Variants in GTF2E1 observed in about 807,000 individuals in gnomAD.
GTF2E1 encodes TFIIE alpha subunit.
Under a neutral mutation model 34.9 loss-of-function variants are expected in GTF2E1, and 14 were observed. The observed-to-expected ratio is 0.40, with a 90% CI of 0.27 to 0.63. The LOEUF (loss-of-function observed/expected upper bound fraction) is 0.63, where lower values mean the gene tolerates loss of function less well. Among genes scored for constraint, GTF2E1 ranks in the 20% least tolerant of loss-of-function variants. The pLI is 0.39. For missense variants in GTF2E1, 469 were observed against 557.7 expected, an observed-to-expected ratio of 0.84 and a Z score of 1.60; for synonymous variants, 188 against 192.9, an observed-to-expected ratio of 0.97 and a Z score of 0.21.
chr3:120,765,112 C>G (rs1041190149), intron 2 of GTF2E1, among the ~76,000 whole-genome samples: 1 of 123,910 alleles, frequency 8.1e-6, no homozygotes, highest in Admixed American at 9.1e-5. Context: ...AGAACTCTTT[C>G]CCTTTCCCCT....
chr3:120,747,110 TG>T (rs1260550177), intron 1 of GTF2E1, among the ~76,000 whole-genome samples: 14 of 151,996 alleles, frequency 9.2e-5, no homozygotes, highest in Non-Finnish European at 1.6e-4. Flanking sequence ...TTTTTTGTTT[TG>T]TTTTTTTTTG....
intron 2 of GTF2E1, among the ~76,000 whole-genome samples, chr3:120,770,029 G>T (rs1709339496): frequency 6.6e-6 from 1 of 152,072 alleles, no homozygotes; most frequent in South Asian, 2.1e-4. Context: ...CATACATGGG[G>T]CCTTTTATAG....
rs1178662700 is a variant in GTF2E1 at position 120,782,780 on chromosome 3, T to C, written c.*1310T>C. Reference sequence around the variant, plus strand: ...TTTTGTCAGACACAGTATTTTAGGGTGCATCCAGTATACCATTGAGCATTG... The same window carrying C: ...TTTTGTCAGACACAGTATTTTAGGGCGCATCCAGTATACCATTGAGCATTG... On this transcript the variant is annotated 3_prime_UTR_variant, in exon 5 of 5. Coordinates refer to ENST00000283875, the MANE Select transcript of GTF2E1 (RefSeq NM_005513.3). 6.6e-6 allele frequency: 1 copy of C among 152,220 alleles called. No individual in the cohort carries two copies. The highest frequency in any genetic ancestry group is 1.5e-5 in the Non-Finnish European group (1 of 68,042). The allele number at this position is 152,220 out of a possible 1,614,324, so 9.4% of individuals were successfully genotyped here.
intron 2 of GTF2E1, among the ~76,000 whole-genome samples, chr3:120,756,983 C>G (rs1431342719): frequency 6.6e-6 from 1 of 151,924 alleles, no homozygotes; most frequent in Non-Finnish European, 1.5e-5. Flanking sequence ...TATTTTGATG[C>G]CAGTGACATA....
rs752331354 is a variant in GTF2E1 at position 120,750,975 on chromosome 3, T to C, written c.423T>C (p.Ala141=). 1.2e-6 allele frequency: 2 copies of C among 1,612,674 alleles called. No homozygotes were observed. Among genetic ancestry groups the C allele is most frequent in the Non-Finnish European group, 1.7e-6 (2 of 1,178,852 alleles). The change falls in exon 2 of 5, where the codon GCT becomes GCC. Residue 141 remains alanine (A), a synonymous_variant. Coordinates refer to ENST00000283875, the MANE Select transcript of GTF2E1 (RefSeq NM_005513.3). ...VCSSTFTDLE[A]NQLFDPMTGT... ...GTAGTACTTTCACAGACTTAGAAGC[T>C]AATCAGCTCTTTGATCCTATGACAG...
At position 120,773,893 on chromosome 3, in the gene GTF2E1, A is replaced by G. The variant is rs989137118; in HGVS notation, c.651-2530A>G. 2.0e-5 allele frequency among the ~76,000 whole-genome samples: 3 copies of G among 152,288 alleles called. No individual in the cohort carries two copies. The East Asian group carries it at 5.8e-4, about 29-fold the overall frequency. On this transcript the variant is annotated intron_variant, in intron 3 of 4. Transcript: ENST00000283875. Reference sequence around the variant, plus strand: ...TTTCTATGACAGAATACTAAAAACAAAAGACTTTTTAAAAGTACTCTTGTG... The same window carrying G: ...TTTCTATGACAGAATACTAAAAACAGAAGACTTTTTAAAAGTACTCTTGTG...
At position 120,776,543 on chromosome 3, in the gene GTF2E1, C is replaced by T. The variant is rs1283247188; in HGVS notation, c.771C>T (p.Asn257=). The change falls in exon 4 of 5, where the codon AAC becomes AAT. Residue 257 remains asparagine, a synonymous_variant. Coordinates refer to ENST00000283875, the MANE Select transcript of GTF2E1 (RefSeq NM_005513.3). ...TATACACTCAGAATGTTGTCATTAA[C>T]ATGGATGACCAAGAAGATCTTCATC... ...EDLYTQNVVI[N]MDDQEDLHRA... 1.2e-6 allele frequency: 2 copies of T among 1,613,882 alleles called. No homozygotes were observed. Among genetic ancestry groups the T allele is most frequent in the African/African-American group, 1.3e-5 (1 of 74,896 alleles).
At position 120,743,725 on chromosome 3, in the gene GTF2E1, G is replaced by A. The variant is rs932530102; in HGVS notation, c.-31+931G>A. Among the ~76,000 whole-genome samples, 3 of 152,138 alleles carry A rather than the reference G, an allele frequency of 2.0e-5. No individual in the cohort carries two copies. In the South Asian group the frequency reaches 6.2e-4, roughly 32 times the overall value. ...AGGGGGTTTGGGCTTAGCTGTAGGG[G>A]CAGAAGGAACAGCATGTGCAAAGCC... On this transcript the variant is annotated intron_variant, in intron 1 of 4. Transcript: ENST00000283875.
intron 2 of GTF2E1, among the ~76,000 whole-genome samples, chr3:120,759,200 A>G (rs190531418): frequency 7.9e-5 from 12 of 152,282 alleles, no homozygotes; most frequent in Admixed American, 5.2e-4. Flanking sequence ...TATGTCATCT[A>G]TGCTGCATAT....
At chr3:120,751,348 G>A (rs1486734217) in intron 2 of GTF2E1, among the ~76,000 whole-genome samples, 2 of 152,152 alleles carry the variant, frequency 1.3e-5, no homozygotes, top group African/African-American at 4.8e-5. Context: ...GCAATACAGT[G>A]TATTTAAATG....
intron 1 of GTF2E1, among the ~76,000 whole-genome samples, chr3:120,743,713 T>C (rs1039457767): frequency 6.6e-6 from 1 of 152,094 alleles, no homozygotes; most frequent in Non-Finnish European, 1.5e-5. Context: ...GGGTTTGGGC[T>C]TAGCTGTAGG....
At chr3:120,752,715 G>A (rs983764211) in intron 2 of GTF2E1, among the ~76,000 whole-genome samples, 3 of 152,166 alleles carry the variant, frequency 2.0e-5, no homozygotes, top group Non-Finnish European at 4.4e-5. Context: ...CAAGGAGTTA[G>A]GGTAGAGGGC....
rs1220108928 is a variant in GTF2E1 at position 120,770,837 on chromosome 3, C to T, written c.558C>T (p.Pro186=). 1.9e-6 allele frequency: 3 copies of T among 1,613,418 alleles called. No homozygotes were observed. The highest frequency in any genetic ancestry group is 1.7e-5 in the Admixed American group (1 of 59,982). Residue 186 remains proline (P), a synonymous_variant, in exon 3 of 5, where the codon CCC becomes CCT. Transcript: ENST00000283875. The part of the protein sequence containing the change: ...LLARFNEQIE[P]IYALLRETED... ...CAAGGTTTAATGAACAAATTGAGCC[C>T]ATTTATGCATTGCTTCGGGAGACAG... is the stretch of plus-strand genomic sequence containing the variant.
At chr3:120,748,146 AT>A (rs1709124586) in intron 1 of GTF2E1, among the ~76,000 whole-genome samples, 2 of 152,160 alleles carry the variant, frequency 1.3e-5, no homozygotes, top group Admixed American at 6.5e-5. Flanking sequence ...GATTCTGGTT[AT>A]TAGCCCTTTG....
chr3:120,777,425 G>A (rs1023493278), intron 4 of GTF2E1, among the ~76,000 whole-genome samples: 6 of 152,016 alleles, frequency 3.9e-5, no homozygotes, highest in Non-Finnish European at 4.4e-5. Context: ...TCAATGTGCC[G>A]CTACTCCCAA....
chr3:120,771,340 T>A (rs1364203647), intron 3 of GTF2E1, among the ~76,000 whole-genome samples: 2 of 152,150 alleles, frequency 1.3e-5, no homozygotes, highest in Non-Finnish European at 2.9e-5. Context: ...TTAATCACCT[T>A]TATTTCTTAG....
At chr3:120,750,418 A>G in intron 1 of GTF2E1, 105 bp from the exon 2 acceptor site, 1 of 679,220 alleles carries the variant, frequency 1.5e-6, no homozygotes, top group Non-Finnish European at 2.6e-6. Flanking sequence ...TAGGTATTAG[A>G]AATCTTTTTA....
chr3:120,774,614 A>G (rs982471314), intron 3 of GTF2E1, among the ~76,000 whole-genome samples: 3 of 145,302 alleles, frequency 2.1e-5, no homozygotes, highest in African/African-American at 7.8e-5. Flanking sequence ...CAATTGTAGC[A>G]TAAGACTTCA....
chr3:120,781,687 G>C lies in GTF2E1; in HGVS notation c.*217G>C. On this transcript the variant is annotated 3_prime_UTR_variant, in exon 5 of 5. Coordinates refer to ENST00000283875, the MANE Select transcript of GTF2E1 (RefSeq NM_005513.3). ...CCTACCCTTCCTTGCTGTCACTACA[G>C]TATTAATATTTTACTGTATTTTCTT... is the stretch of plus-strand genomic sequence containing the variant. 2.1e-6 allele frequency: 1 copy of C among 475,874 alleles called. No homozygotes were observed. The highest frequency in any genetic ancestry group is 3.7e-6 in the Non-Finnish European group (1 of 267,862). The allele number at this position is 475,874 out of a possible 1,614,324, so 29.5% of individuals were successfully genotyped here. A position where few individuals can be genotyped will look rare whatever the true frequency, so the allele number is the denominator to read the frequency against.
Sources: gnomAD v4.1 joint callset for allele counts (sites outside exome capture counted in the v4.1 genomes callset) on GRCh38, gnomAD v4.1.1 for gene constraint, MANE v1.5 for transcripts, NCBI Gene and HGNC (gene_info 2026-07-23, HGNC 2026-07-21) for gene names.